Variants in NXPH1 observed in about 807,000 individuals in gnomAD.
NXPH1 encodes neurexophilin-1.
A neutral mutation model predicts 23.7 loss-of-function variants in NXPH1; 5 were observed. That is an observed-to-expected ratio of 0.21 (90% CI 0.11 to 0.44). NXPH1 has a LOEUF of 0.44. NXPH1 is among the 20% of genes least tolerant of loss of function. NXPH1 has a pLI of 0.99. For synonymous variants in NXPH1, 144 were observed against 122.2 expected (o/e 1.18, Z -1.18); for missense variants, 324 against 321.6 (o/e 1.01, Z -0.06).
chr7:8,454,343 T>C (rs1190438706), intron 2 of NXPH1, among the ~76,000 whole-genome samples: 1 of 152,218 alleles, frequency 6.6e-6, no homozygotes, highest in Admixed American at 6.5e-5. Flanking sequence ...GTTGAAATAA[T>C]GGGTAATTTT....
At chr7:8,602,892 A>C (rs1343456815) in intron 2 of NXPH1, among the ~76,000 whole-genome samples, 2 of 151,860 alleles carry the variant, frequency 1.3e-5, no homozygotes, top group African/African-American at 4.8e-5. Flanking sequence ...GCAGTGGCAC[A>C]AATTTGGCTT....
In NXPH1 at chr7:8,623,854, C is replaced by G. The variant is rs77259236; in HGVS notation, c.55-127154C>G. Among the ~76,000 whole-genome samples the G allele has an allele frequency of 9.9e-3, 1,502 of 151,910 alleles. 28 individuals carry two copies. Among genetic ancestry groups the G allele is most frequent in the African/African-American group, 0.035 (1,430 of 41,332 alleles). ...ATGTATTTATATCTACATTCATACT[C>G]AGACCCATACTCATAGTCACCCCAT... On this transcript the variant is annotated intron_variant, in intron 2 of 2. Transcript: ENST00000405863.
chr7:8,669,169 G>T lies in NXPH1; in HGVS notation c.55-81839G>T, dbSNP rs567991109. 2.0e-5 allele frequency among the ~76,000 whole-genome samples: 3 copies of T among 152,330 alleles called. No individual in the cohort carries two copies. In the South Asian group the frequency reaches 6.2e-4, roughly 32 times the overall value. ...GCCTGGACCTCGGGTCTGCTGGTGTGGGTGTGTGCTGGGGCCAGCCCAAGA... is the reference window on the plus strand; with the variant it reads ...GCCTGGACCTCGGGTCTGCTGGTGTTGGTGTGTGCTGGGGCCAGCCCAAGA... On this transcript the variant is annotated intron_variant, in intron 2 of 2. Coordinates refer to ENST00000405863, the MANE Select transcript of NXPH1 (RefSeq NM_152745.3).
At chr7:8,675,851 G>T (rs1820943886) in intron 2 of NXPH1, among the ~76,000 whole-genome samples, 1 of 152,106 alleles carries the variant, frequency 6.6e-6, no homozygotes, top group Non-Finnish European at 1.5e-5. Context: ...TGTGTAAATG[G>T]ATTCCAATAA....
intron 2 of NXPH1, among the ~76,000 whole-genome samples, chr7:8,516,522 C>G (rs140059235): frequency 6.6e-6 from 1 of 152,224 alleles, no homozygotes; most frequent in African/African-American, 2.4e-5. Context: ...CTTCAGATAT[C>G]ACCTGGTGCT....
intron 2 of NXPH1, among the ~76,000 whole-genome samples, chr7:8,561,851 G>C (rs572633596): frequency 6.6e-6 from 1 of 151,626 alleles, no homozygotes; most frequent in South Asian, 2.1e-4. Context: ...CAAACAATGG[G>C]GAAAATGTTG....
intron 2 of NXPH1, among the ~76,000 whole-genome samples, chr7:8,717,617 C>T (rs937277885): frequency 4.6e-5 from 7 of 152,166 alleles, no homozygotes; most frequent in African/African-American, 1.7e-4. Context: ...GGTGCCTTCA[C>T]TTTCTGGGCC....
intron 2 of NXPH1, among the ~76,000 whole-genome samples, chr7:8,464,113 C>A (rs1424363844): frequency 1.3e-5 from 2 of 152,032 alleles, no homozygotes; most frequent in East Asian, 1.9e-4. Flanking sequence ...TTGTCCTTCA[C>A]TCCTCACTCT....
chr7:8,628,197 C>T (rs1820036304), intron 2 of NXPH1, among the ~76,000 whole-genome samples: 1 of 151,974 alleles, frequency 6.6e-6, no homozygotes, highest in Non-Finnish European at 1.5e-5. Context: ...CATACTATTT[C>T]CTCAAAAGAT....
intron 2 of NXPH1, among the ~76,000 whole-genome samples, chr7:8,677,228 T>C (rs1820965317): frequency 6.6e-6 from 1 of 152,218 alleles, no homozygotes; most frequent in East Asian, 1.9e-4. Context: ...ACCAGGTTGA[T>C]AATGACAGAA....
At chr7:8,710,647 GTTTTTT>G (rs1424880912) in intron 2 of NXPH1, among the ~76,000 whole-genome samples, 8 of 51,718 alleles carry the variant, frequency 1.5e-4, no homozygotes, top group Non-Finnish European at 2.5e-4. Context: ...TACGTTTTTT[GTTTTTT>G]TTTTTTTTTT....
intron 2 of NXPH1, among the ~76,000 whole-genome samples, chr7:8,662,185 T>TAC (rs71017609): frequency 1.3e-4 from 20 of 148,822 alleles, no homozygotes; most frequent in East Asian, 3.9e-4. Flanking sequence ...TATATATATA[T>TAC]ATATACACAC....
chr7:8,674,442 A>G (rs569015165), intron 2 of NXPH1, among the ~76,000 whole-genome samples: 12 of 152,286 alleles, frequency 7.9e-5, no homozygotes, highest in African/African-American at 2.6e-4. Context: ...TTTTATGTTC[A>G]GAAAACGTAC....
At chr7:8,707,103 T>G (rs545530726) in intron 2 of NXPH1, among the ~76,000 whole-genome samples, 1 of 152,220 alleles carries the variant, frequency 6.6e-6, no homozygotes. Context: ...TATATTAGTT[T>G]GACTTTTACT....
intron 2 of NXPH1, among the ~76,000 whole-genome samples, chr7:8,495,537 A>G (rs17332657): frequency 0.012 from 1,819 of 152,130 alleles, 24 homozygotes; most frequent in Non-Finnish European, 0.015. Flanking sequence ...AATATGACTT[A>G]GAGCCAATTC....
intron 2 of NXPH1, among the ~76,000 whole-genome samples, chr7:8,682,218 C>G (rs1370542837): frequency 6.6e-6 from 1 of 152,138 alleles, no homozygotes; most frequent in Non-Finnish European, 1.5e-5. Context: ...TAATTCAGAC[C>G]TCTATAAGTC....
chr7:8,474,665 T>C (rs960056651), intron 2 of NXPH1, among the ~76,000 whole-genome samples: 7 of 152,170 alleles, frequency 4.6e-5, no homozygotes, highest in African/African-American at 1.4e-4. Flanking sequence ...CTGACAAAAC[T>C]TTAATAGTCG....
At chr7:8,579,143 G>A (rs1818814796) in intron 2 of NXPH1, among the ~76,000 whole-genome samples, 1 of 152,126 alleles carries the variant, frequency 6.6e-6, no homozygotes. Context: ...CTTGAACTCA[G>A]ATTTTCTTTC....
Position 8,452,197 on chromosome 7 carries a change from T to C in NXPH1, c.54+16430T>C, listed in dbSNP as rs75541375. On this transcript the variant is annotated intron_variant, in intron 2 of 2. Transcript: ENST00000405863. ...CTCTCACCAGAATACGTTTTTGATA[T>C]ACCCTTTTCTTGTGAGAAGAATATC... 9.0e-3 allele frequency among the ~76,000 whole-genome samples: 1,375 copies of C among 152,316 alleles called. 21 individuals carry two copies. Among genetic ancestry groups the C allele is most frequent in the African/African-American group, 0.031 (1,276 of 41,566 alleles).
Sources: allele counts gnomAD v4.1 joint callset (sites outside exome capture counted in the v4.1 genomes callset), GRCh38; gene constraint gnomAD v4.1.1; transcripts MANE v1.5; gene names NCBI Gene and HGNC (gene_info 2026-07-23, HGNC 2026-07-21).